Variants in SGPP1 observed in about 807,000 individuals in gnomAD.
SGPP1 encodes the protein sphingosine-1-phosphate phosphatase 1.
Under a neutral mutation model 33.0 loss-of-function variants are expected in SGPP1, and 21 were observed. The observed-to-expected ratio is 0.64, with a 90% confidence interval of 0.45 to 0.92. The LOEUF (loss-of-function observed/expected upper bound fraction) is 0.92, where lower values mean the gene tolerates loss of function less well. SGPP1 is among the 40% of genes least tolerant of loss of function. SGPP1 has a pLI of 0.00. For missense variants in SGPP1, 543 were observed against 589.4 expected, an observed-to-expected ratio of 0.92 and a Z score of 0.81; for synonymous variants, 239 against 241.2, an observed-to-expected ratio of 0.99 and a Z score of 0.08.
intron 1 of SGPP1, among the ~76,000 whole-genome samples, chr14:63,710,793 G>A (rs1250304607): frequency 2.0e-5 from 3 of 152,100 alleles, no homozygotes; most frequent in African/African-American, 7.2e-5. Context: ...CTTCCCTATA[G>A]GTAAGGGAGC....
chr14:63,712,548 A>G (rs913507952), intron 1 of SGPP1, among the ~76,000 whole-genome samples: 1 of 152,232 alleles, frequency 6.6e-6, no homozygotes, highest in Non-Finnish European at 1.5e-5. Context: ...AGTAGCTGCA[A>G]ATAAAGTCAG....
chr14:63,727,305 C>T lies in SGPP1; in HGVS notation c.640G>A (p.Ala214Thr), dbSNP rs1233139114. The T allele has an allele frequency of 1.1e-5, 18 of 1,613,620 alleles. No homozygotes were observed. The Admixed American group carries it at 3.0e-4, about 27-fold the overall frequency. ...MPSTHAMSGTAIPISMVLLTY... is the reference protein window; with the variant it reads ...MPSTHAMSGTTIPISMVLLTY... ...AGGAGGACCATAGAAATGGGGATGG[C>T]GGTGCCGGACATGGCATGGGTGGAG... Residue 214 changes from alanine (A) to threonine (T), a missense_variant, in exon 1 of 3, where the codon GCC becomes ACC. Physicochemically the swap from Ala to Thr is moderately conservative, Grantham distance 58. Coordinates refer to ENST00000247225, the MANE Select transcript of SGPP1 (RefSeq NM_030791.4).
intron 1 of SGPP1, among the ~76,000 whole-genome samples, chr14:63,702,970 A>T (rs1040743926): frequency 6.6e-5 from 10 of 152,198 alleles, no homozygotes; most frequent in Non-Finnish European, 1.5e-4. Flanking sequence ...CAGGAAAAAA[A>T]CAGTATATAT....
At chr14:63,710,294 G>A (rs1383613256) in intron 1 of SGPP1, among the ~76,000 whole-genome samples, 1 of 151,868 alleles carries the variant, frequency 6.6e-6, no homozygotes, top group Non-Finnish European at 1.5e-5. Flanking sequence ...TAGAAATGTG[G>A]GTAAGGATTC....
chr14:63,718,977 C>CATATATATATATAT (rs1221455081), intron 1 of SGPP1, among the ~76,000 whole-genome samples: 7 of 26,968 alleles, frequency 2.6e-4, no homozygotes, highest in Non-Finnish European at 3.2e-4. Flanking sequence ...TATGTATATA[C>CATATATATATATAT]ATATATATAT....
chr14:63,697,147 A>G (rs928701682), intron 2 of SGPP1, among the ~76,000 whole-genome samples: 1 of 152,102 alleles, frequency 6.6e-6, no homozygotes, highest in African/African-American at 2.4e-5. Flanking sequence ...CTTTGCAAAC[A>G]AATCTGCTTA....
chr14:63,699,750 G>GT (rs779840590), intron 1 of SGPP1, among the ~76,000 whole-genome samples: 30 of 146,686 alleles, frequency 2.0e-4, no homozygotes, highest in Non-Finnish European at 3.2e-4. Flanking sequence ...GGTTGTTGTT[G>GT]TTTTTTTTAC....
At chr14:63,706,322 G>A (rs891337540) in intron 1 of SGPP1, among the ~76,000 whole-genome samples, 1 of 152,080 alleles carries the variant, frequency 6.6e-6, no homozygotes, top group Admixed American at 6.6e-5. Context: ...TTCCCTTTTG[G>A]GGTGATAAAA....
At chr14:63,720,282 A>AAAG (rs1885743382) in intron 1 of SGPP1, among the ~76,000 whole-genome samples, 1 of 151,946 alleles carries the variant, frequency 6.6e-6, no homozygotes, top group South Asian at 2.1e-4. Context: ...GGTAAGAAAA[A>AAAG]AAGAAGAAAT....
chr14:63,701,258 A>G (rs1885293453), intron 1 of SGPP1, among the ~76,000 whole-genome samples: 1 of 152,162 alleles, frequency 6.6e-6, no homozygotes, highest in South Asian at 2.1e-4. Context: ...TACTGAGATG[A>G]GAGGCATGAG....
At position 63,727,684 on chromosome 14, in the gene SGPP1, G is replaced by A. The variant is rs368742875; in HGVS notation, c.261C>T (p.Asn87=). 3.7e-6 allele frequency: 5 copies of A among 1,337,394 alleles called. No homozygotes were observed. Among genetic ancestry groups the A allele is most frequent in the Non-Finnish European group, 1.9e-6 (2 of 1,050,094 alleles). 82.8% of individuals were successfully genotyped at this position (1,337,394 alleles called of 1,614,324 possible). ...CGGCCGCCAGCCCGTTCCGCACGCCGTTGGGGGCGCCGCCGCCGTCCGGCT... is the reference window on the plus strand; with the variant it reads ...CGGCCGCCAGCCCGTTCCGCACGCCATTGGGGGCGCCGCCGCCGTCCGGCT... ...PAKPDGGGAP[N]GVRNGLAAEL... is the part of the protein sequence containing the mutation. Residue 87 remains asparagine (N), a synonymous_variant, in exon 1 of 3, where the codon AAC becomes AAT. Transcript: ENST00000247225.
Position 63,727,331 on chromosome 14 carries a change from G to A in SGPP1, c.614C>T (p.Pro205Leu). Residue 205 changes from proline to leucine, a missense_variant, in exon 1 of 3, where the codon CCC (proline) becomes CTC (leucine). Pro to Leu is a moderately conservative substitution (Grantham distance 98). Transcript: ENST00000247225. ...GGTGCCGGACATGGCATGGGTGGAG[G>A]GCATGCTGTACTCAGAGTTGTAGAA... ...EVFYNSEYSM[P>L]STHAMSGTAI... 1.2e-6 allele frequency: 2 copies of A among 1,614,098 alleles called. No individual in the cohort carries two copies. Among genetic ancestry groups the A allele is most frequent in the Non-Finnish European group, 1.7e-6 (2 of 1,180,016 alleles).
rs527403113 is a variant in SGPP1, at chr14:63,705,590, C to T, written c.685-6932G>A. On this transcript the variant is annotated intron_variant, in intron 1 of 2. Transcript: ENST00000247225. ...GGCTGAGGTAGGTGGATCACTTGAG[C>T]CTGGGAGGTAAAGGTTCCCACGAGC... Among the ~76,000 whole-genome samples, 5 of 151,882 alleles carry T rather than the reference C, an allele frequency of 3.3e-5. No individual in the cohort carries two copies. The South Asian group carries it at 6.3e-4, about 19-fold the overall frequency.
chr14:63,701,934 AGAACCAAAAGAAGT>A (rs372538973), intron 1 of SGPP1, among the ~76,000 whole-genome samples: 4 of 146,378 alleles, frequency 2.7e-5, no homozygotes, highest in Admixed American at 1.3e-4. Context: ...AAAAAAAAAA[AGAACCAAAAGAAGT>A]AAAAAAAAAA....
In SGPP1 at chr14:63,685,983, TTAAA is replaced by T; in HGVS notation, c.*118_*121del. ...AATGCACTGACTCTTATGAATTTAC[TTAAA>T]TAATTATTTAAGTTAAATTCCTGCA... On this transcript the variant is annotated 3_prime_UTR_variant, in exon 3 of 3. Coordinates refer to ENST00000247225, the MANE Select transcript of SGPP1 (RefSeq NM_030791.4). The T allele has an allele frequency of 6.7e-6, 4 of 594,922 alleles. No homozygotes were observed. Among genetic ancestry groups the T allele is most frequent in the Non-Finnish European group, 1.1e-5 (4 of 349,856 alleles). The allele number at this position is 594,922 out of a possible 1,614,324, so 36.9% of individuals were successfully genotyped here. A position where few individuals can be genotyped will look rare whatever the true frequency, so the allele number is the denominator to read the frequency against.
chr14:63,690,283 T>A (rs1885065017), intron 2 of SGPP1, among the ~76,000 whole-genome samples: 1 of 152,234 alleles, frequency 6.6e-6, no homozygotes, highest in South Asian at 2.1e-4. Flanking sequence ...GCTCAAGCAA[T>A]CCACCTGCCT....
At chr14:63,690,758 T>C (rs1172069475) in intron 2 of SGPP1, among the ~76,000 whole-genome samples, 1 of 152,220 alleles carries the variant, frequency 6.6e-6, no homozygotes. Context: ...TTCCCCGGGA[T>C]GGAGTACAGT....
chr14:63,708,772 G>A (rs1019025862), intron 1 of SGPP1, among the ~76,000 whole-genome samples: 2 of 152,058 alleles, frequency 1.3e-5, no homozygotes, highest in African/African-American at 2.4e-5. Flanking sequence ...CAACCATATG[G>A]CGTAGCTATT....
rs553217252 is a variant in SGPP1 at position 63,697,863 on chromosome 14, T to C, written c.774+706A>G. ...AATTCAGTATAGCATCGTATTTGTG[T>C]TTTGGAAAGTCTACGAAACAGCTGA... On this transcript the variant is annotated intron_variant, in intron 2 of 2. Coordinates refer to ENST00000247225, the MANE Select transcript of SGPP1 (RefSeq NM_030791.4). Among the ~76,000 whole-genome samples, 9 of 152,300 alleles carry C rather than the reference T, an allele frequency of 5.9e-5. No individual in the cohort carries two copies. The South Asian group carries it at 1.0e-3, about 18-fold the overall frequency.
Sources: gnomAD v4.1 joint callset for allele counts (sites outside exome capture counted in the v4.1 genomes callset) on GRCh38, gnomAD v4.1.1 for gene constraint, MANE v1.5 for transcripts, NCBI Gene and HGNC (gene_info 2026-07-23, HGNC 2026-07-21) for gene names.